MEOX2: variants seen among roughly 807,000 people sequenced by gnomAD.
The protein encoded by MEOX2 is homeobox protein MOX-2.
In MEOX2, 11 loss-of-function variants were observed where a neutral mutation model predicts 27.0. The observed-to-expected ratio is 0.41, with a 90% CI of 0.26 to 0.68. The LOEUF is 0.68. Ranked by LOEUF, MEOX2 falls within the 30% of genes least tolerant of loss-of-function variation. The pLI is 0.33. For missense variants in MEOX2, 436 were observed against 385.4 expected (o/e 1.13, Z -1.10); for synonymous variants, 189 against 155.4 (o/e 1.22, Z -1.61).
chr7:15,616,583 A>C lies in MEOX2; in HGVS notation c.691-3972T>G, dbSNP rs1781126413. Among the ~76,000 whole-genome samples the C allele has an allele frequency of 2.0e-5, 3 of 151,976 alleles. No homozygotes were observed. The South Asian group carries it at 6.2e-4, about 31-fold the overall frequency. On this transcript the variant is annotated intron_variant, in intron 2 of 2. Coordinates refer to ENST00000262041, the MANE Select transcript of MEOX2 (RefSeq NM_005924.5). ...TATTAACCCAGCTTTATTGACTGTA[A>C]TGAAAAAAACTTTTAGTTTTTGTTT...
At chr7:15,614,607 T>C (rs1781094245) in intron 2 of MEOX2, among the ~76,000 whole-genome samples, 1 of 152,188 alleles carries the variant, frequency 6.6e-6, no homozygotes. Context: ...AAATCAAGTT[T>C]CCATATATGC....
intron 1 of MEOX2, chr7:15,679,455 T>C (rs1425593148): frequency 6.6e-6 from 1 of 152,116 alleles, no homozygotes; most frequent in African/African-American, 2.4e-5. Flanking sequence ...GAAAGAAAGC[T>C]TATGAACACA....
chr7:15,666,657 C>G (rs6978527), intron 1 of MEOX2, among the ~76,000 whole-genome samples: 85,146 of 147,408 alleles, frequency 0.58, 25,588 homozygotes, highest in East Asian at 0.88. Flanking sequence ...GAGGCTGAGG[C>G]AGGAGAATTG....
chr7:15,675,105 CAA>C (rs937916067), intron 1 of MEOX2, among the ~76,000 whole-genome samples: 1 of 151,940 alleles, frequency 6.6e-6, no homozygotes, highest in Non-Finnish European at 1.5e-5. Flanking sequence ...AATTTTTAAA[CAA>C]AAAACAGATA....
chr7:15,612,703 C>T, intron 2 of MEOX2, 92 bp from the exon 3 acceptor site: 1 of 1,008,090 alleles, frequency 9.9e-7, no homozygotes, highest in Non-Finnish European at 1.5e-6. Context: ...AAAAGAAGTT[C>T]CTCAAAGGCT....
At chr7:15,663,335 C>CT (rs765508723) in intron 1 of MEOX2, among the ~76,000 whole-genome samples, 313 of 143,002 alleles carry the variant, frequency 2.2e-3, no homozygotes, top group Middle Eastern at 7.5e-3. Context: ...CTGTAGTAAT[C>CT]TTTTTTTTTT....
chr7:15,655,842 A>G (rs917536437), intron 1 of MEOX2, among the ~76,000 whole-genome samples: 5 of 151,860 alleles, frequency 3.3e-5, no homozygotes, highest in Middle Eastern at 3.4e-3. Flanking sequence ...AGGATAGAAT[A>G]TTCTATACAT....
chr7:15,655,814 T>C (rs970923429), intron 1 of MEOX2, among the ~76,000 whole-genome samples: 2 of 151,844 alleles, frequency 1.3e-5, no homozygotes, highest in Non-Finnish European at 3.0e-5. Flanking sequence ...TTTAAAAATA[T>C]GTGTATTCTG....
chr7:15,646,803 G>A (rs1781657653), intron 1 of MEOX2, among the ~76,000 whole-genome samples: 1 of 151,792 alleles, frequency 6.6e-6, no homozygotes, highest in South Asian at 2.1e-4. Context: ...TAATGAATGA[G>A]CATTTACTCT....
intron 1 of MEOX2, chr7:15,668,153 C>T (rs1333810510): frequency 2.0e-5 from 3 of 152,186 alleles, no homozygotes; most frequent in Non-Finnish European, 4.4e-5. Flanking sequence ...CTGTGTAGGT[C>T]TACTTATGCA....
intron 1 of MEOX2, among the ~76,000 whole-genome samples, chr7:15,665,999 G>C (rs908263635): frequency 6.6e-5 from 10 of 152,068 alleles, no homozygotes; most frequent in African/African-American, 2.4e-4. Flanking sequence ...GGGTGGTTTT[G>C]ATGGATTCTA....
chr7:15,643,504 C>T (rs1219943629), intron 1 of MEOX2, among the ~76,000 whole-genome samples: 1 of 152,082 alleles, frequency 6.6e-6, no homozygotes, highest in Non-Finnish European at 1.5e-5. Flanking sequence ...GGGGAGGGGG[C>T]TGCGGTTTGC....
At chr7:15,682,177 A>C (rs1303874089) in intron 1 of MEOX2, among the ~76,000 whole-genome samples, 1 of 151,818 alleles carries the variant, frequency 6.6e-6, no homozygotes, top group Non-Finnish European at 1.5e-5. Context: ...ACTTCACTTT[A>C]ATCTTCAAGA....
chr7:15,674,027 T>C (rs1420379823), intron 1 of MEOX2, among the ~76,000 whole-genome samples: 1 of 152,070 alleles, frequency 6.6e-6, no homozygotes, highest in East Asian at 1.9e-4. Context: ...CAGATAGATA[T>C]AATAATACAT....
intron 1 of MEOX2, among the ~76,000 whole-genome samples, chr7:15,651,598 C>A (rs1781733052): frequency 6.6e-6 from 1 of 151,834 alleles, no homozygotes; most frequent in Admixed American, 6.6e-5. Flanking sequence ...GAAACTGAGG[C>A]ACAAGAAGTC....
At chr7:15,640,565 GA>G (rs1781543790) in intron 1 of MEOX2, among the ~76,000 whole-genome samples, 1 of 152,002 alleles carries the variant, frequency 6.6e-6, no homozygotes, top group African/African-American at 2.4e-5. Context: ...GTTGAATGTT[GA>G]ATAGCAATGG....
intron 1 of MEOX2, among the ~76,000 whole-genome samples, chr7:15,654,449 G>A (rs925062900): frequency 6.6e-6 from 1 of 151,488 alleles, no homozygotes; most frequent in East Asian, 1.9e-4. Flanking sequence ...TCAGTCTTAT[G>A]TTGAATAAGA....
At chr7:15,673,064 C>A (rs1384131690) in intron 1 of MEOX2, among the ~76,000 whole-genome samples, 3 of 152,142 alleles carry the variant, frequency 2.0e-5, no homozygotes, top group Admixed American at 1.3e-4. Context: ...CAAAACACCC[C>A]TAACAAGGAG....
Position 15,686,127 on chromosome 7 carries a change from C to G in MEOX2, c.276G>C (p.Trp92Cys). 6.3e-7 allele frequency: 1 copy of G among 1,582,680 alleles called. No individual in the cohort carries two copies. Among genetic ancestry groups the G allele is most frequent in the Non-Finnish European group, 8.6e-7 (1 of 1,165,110 alleles). The change falls in exon 1 of 3, where the codon TGG (tryptophan) becomes TGC (cysteine). Residue 92 changes from tryptophan (W) to cysteine (C), a missense_variant. Physicochemically the swap from Trp to Cys is radical, Grantham distance 215. Transcript: ENST00000262041. ...QQQHQALQTN[W>C]HLPQMSSPPS... is the part of the protein sequence containing the mutation. ...GTGGGGAAGACATCTGCGGGAGGTG[C>G]CAGTTGGTTTGCAGAGCCTGGTGCT...
Sources: gnomAD v4.1 joint callset for allele counts (sites outside exome capture counted in the v4.1 genomes callset) on GRCh38, gnomAD v4.1.1 for gene constraint, MANE v1.5 for transcripts, NCBI Gene and HGNC (gene_info 2026-07-23, HGNC 2026-07-21) for gene names.